The following ZIK1 variants were observed in gnomAD, a reference collection of about 807,000 sequenced individuals.
ZIK1 encodes zinc finger protein interacting with ribonucleoprotein K.
ZIK1 carries 12 observed loss-of-function variants against 10.7 expected under a neutral mutation model. That is an observed-to-expected ratio of 1.12 (90% CI 0.72 to 1.81). ZIK1 has a LOEUF of 1.81. ZIK1 is among the 40% of genes most tolerant of loss of function. The probability of loss-of-function intolerance (pLI) is 0.00; values close to 1 mark genes in which losing one functional copy is unlikely to be tolerated. For synonymous variants in ZIK1, 190 were observed against 205.0 expected (o/e 0.93, Z 0.63); for missense variants, 497 against 585.7 (o/e 0.85, Z 1.56).
intron 2 of ZIK1, among the ~76,000 whole-genome samples, chr19:57,586,303 C>A (rs1979151562): frequency 6.6e-6 from 1 of 152,048 alleles, no homozygotes; most frequent in Non-Finnish European, 1.5e-5. Context: ...TGGCTCACAC[C>A]TGTAATCCCA....
chr19:57,593,151 C>T lies in ZIK1; in HGVS notation c.*1876C>T, dbSNP rs1979845294. On this transcript the variant is annotated 3_prime_UTR_variant, in exon 4 of 4. Transcript: ENST00000597850. ...CCTCCTCCTGGGTTCCAGCGATTCT[C>T]CTGCCTCAGCCTCCTGAGAAGCTAG... The T allele has an allele frequency of 6.8e-6, 1 of 146,218 alleles. No individual in the cohort carries two copies. Among genetic ancestry groups the T allele is most frequent in the East Asian group, 2.0e-4 (1 of 4,904 alleles). 9.1% of individuals were successfully genotyped at this position (146,218 alleles called of 1,614,324 possible). A position where few individuals can be genotyped will look rare whatever the true frequency, so the allele number is the denominator to read the frequency against.
chr19:57,593,761 C>T lies in ZIK1; in HGVS notation c.*2486C>T, dbSNP rs1345422802. 6.7e-6 allele frequency: 1 copy of T among 149,264 alleles called. No homozygotes were observed. Among genetic ancestry groups the T allele is most frequent in the Non-Finnish European group, 1.5e-5 (1 of 67,548 alleles). 9.2% of individuals were successfully genotyped at this position (149,264 alleles called of 1,614,324 possible). On this transcript the variant is annotated 3_prime_UTR_variant, in exon 4 of 4. Transcript: ENST00000597850. ...TTTTCTGGTATTTTATGGTATTGAA[C>T]ATTTGAACATCTTGTATCTAGTTGC... is the stretch of plus-strand genomic sequence containing the variant.
intron 2 of ZIK1, among the ~76,000 whole-genome samples, 181 bp from the exon 3 acceptor site, chr19:57,588,355 TGTG>T (rs1979344267): frequency 6.6e-6 from 1 of 152,072 alleles, no homozygotes; most frequent in African/African-American, 2.4e-5. Flanking sequence ...AAAGTTTAGA[TGTG>T]GTGCATCCTG....
intron 2 of ZIK1, 110 bp downstream of exon 2, chr19:57,585,100 TG>T: frequency 1.0e-6 from 1 of 997,404 alleles, no homozygotes; most frequent in East Asian, 2.7e-5. Flanking sequence ...CTTCACAAAC[TG>T]GAAGCTTGAC....
intron 1 of ZIK1, 146 bp from the exon 2 acceptor site, chr19:57,584,806 G>C: frequency 9.5e-7 from 1 of 1,052,392 alleles, no homozygotes; most frequent in Non-Finnish European, 1.4e-6. Context: ...CTAAGAGTTG[G>C]CACTGAGGAC....
chr19:57,587,158 G>A (rs1052194018), intron 2 of ZIK1, among the ~76,000 whole-genome samples: 2 of 152,146 alleles, frequency 1.3e-5, no homozygotes, highest in Non-Finnish European at 2.9e-5. Context: ...TGCCCCTATG[G>A]TTCGATTACC....
rs1214885963 is a variant in ZIK1 at position 57,590,026 on chromosome 19, CAG to C, written c.218_219del (p.Glu73GlyfsTer2). ...CTGCTTTCAGGTTGTGGCCATGGAA[CAG>C]AGGATGAAGAGACACCTTCTGACCA... is the stretch of plus-strand genomic sequence containing the variant. On this transcript the variant is annotated frameshift_variant, in exon 4 of 4. Coordinates refer to ENST00000597850, the MANE Select transcript of ZIK1 (RefSeq NM_001010879.4). LOFTEE classifies it low-confidence loss of function (END_TRUNC). 5 of 1,613,096 alleles carry C rather than the reference CAG, an allele frequency of 3.1e-6. No homozygotes were observed. The highest frequency in any genetic ancestry group is 4.2e-6 in the Non-Finnish European group (5 of 1,179,224).
In ZIK1 at chr19:57,592,906, T is replaced by C; in HGVS notation, c.*1631T>C. ...CATATTCATGATTCACCTCTTGCTG[T>C]TTTACAATCTCTGCGTGTACTTTCC... On this transcript the variant is annotated 3_prime_UTR_variant, in exon 4 of 4. Coordinates refer to ENST00000597850, the MANE Select transcript of ZIK1 (RefSeq NM_001010879.4). 6.6e-6 allele frequency: 1 copy of C among 152,172 alleles called. No homozygotes were observed. Among genetic ancestry groups the C allele is most frequent in the East Asian group, 1.9e-4 (1 of 5,194 alleles). The allele number at this position is 152,172 out of a possible 1,614,324, so 9.4% of individuals were successfully genotyped here.
chr19:57,592,799 T>C lies in ZIK1; in HGVS notation c.*1524T>C, dbSNP rs985814974. 17 of 152,214 alleles carry C rather than the reference T, an allele frequency of 1.1e-4. No individual in the cohort carries two copies. The highest frequency in any genetic ancestry group is 1.0e-3 in the South Asian group (5 of 4,828). 9.4% of individuals were successfully genotyped at this position (152,214 alleles called of 1,614,324 possible). On this transcript the variant is annotated 3_prime_UTR_variant, in exon 4 of 4. Coordinates refer to ENST00000597850, the MANE Select transcript of ZIK1 (RefSeq NM_001010879.4). ...AAACTTTCTTGATGTGTAAGTGACATGCCATAGTTTACATCCATTTATGGT... is the reference window on the plus strand; with the variant it reads ...AAACTTTCTTGATGTGTAAGTGACACGCCATAGTTTACATCCATTTATGGT...
intron 2 of ZIK1, among the ~76,000 whole-genome samples, chr19:57,587,093 A>G (rs1484927291): frequency 2.0e-5 from 3 of 152,154 alleles, no homozygotes; most frequent in African/African-American, 7.2e-5. Context: ...CCCTTATAAA[A>G]CCATCAAATC....
Position 57,588,582 on chromosome 19 carries a change from A to T in ZIK1, c.116A>T (p.Asp39Val), listed in dbSNP as rs754837811. Residue 39 changes from aspartate to valine, a missense_variant, in exon 3 of 4, where the codon GAC becomes GTC. Asp to Val is a radical substitution (Grantham distance 152, BLOSUM62 -3). Transcript: ENST00000597850. ...GACATCGCCATTTACTTCTCACAGGACGAGTGGGGACTTCTTGATGAGGCT... is the reference window on the plus strand; with the variant it reads ...GACATCGCCATTTACTTCTCACAGGTCGAGTGGGGACTTCTTGATGAGGCT... ...FEDIAIYFSQ[D>V]EWGLLDEAQR... 6.3e-7 allele frequency: 1 copy of T among 1,581,962 alleles called. No homozygotes were observed. Among genetic ancestry groups the T allele is most frequent in the East Asian group, 2.3e-5 (1 of 43,434 alleles).
Position 57,591,032 on chromosome 19 carries a change from T to G in ZIK1, c.1221T>G (p.Tyr407Ter), listed in dbSNP as rs200562644. ...GAGTTCACACTGGAGAAAGGCCTTA[T>G]AAGTGTGGTGACTGTGGGAAATCCT... is the stretch of plus-strand genomic sequence containing the variant. ...HQRVHTGERPYKCGDCGKSFS... is the reference protein window; with the variant it reads ...HQRVHTGERP The change falls in exon 4 of 4, where the codon TAT becomes TAG. Residue 407 changes from tyrosine (Y) to a stop codon, truncating the protein, a stop_gained. Transcript: ENST00000597850. LOFTEE classifies it low-confidence loss of function (END_TRUNC). 2 of 1,614,016 alleles carry G rather than the reference T, an allele frequency of 1.2e-6. No homozygotes were observed. Among genetic ancestry groups the G allele is most frequent in the Non-Finnish European group, 1.7e-6 (2 of 1,180,028 alleles).
intron 3 of ZIK1, chr19:57,589,489 G>T (rs1718722117): frequency 1.0e-6 from 1 of 985,142 alleles, no homozygotes; most frequent in African/African-American, 1.7e-5. Context: ...TGATCTTCAT[G>T]CATCATCTGC....
At position 57,591,490 on chromosome 19, in the gene ZIK1, T is replaced by C; in HGVS notation, c.*215T>C. 1.7e-6 allele frequency: 1 copy of C among 583,294 alleles called. No homozygotes were observed. The highest frequency in any genetic ancestry group is 3.0e-6 in the Non-Finnish European group (1 of 331,532). The allele number at this position is 583,294 out of a possible 1,614,324, so 36.1% of individuals were successfully genotyped here. On this transcript the variant is annotated 3_prime_UTR_variant, in exon 4 of 4. Transcript: ENST00000597850. The stretch of plus-strand genomic sequence containing the variant: ...TCTCTGGTAGAAACCATCTACCCTC[T>C]ACCACCTTGCACAGTGGGCACTGGT...
chr19:57,589,241 C>G, intron 3 of ZIK1: 2 of 984,978 alleles, frequency 2.0e-6, no homozygotes, highest in Non-Finnish European at 2.4e-6. Flanking sequence ...AACCTGGTTG[C>G]TTTATAGGGT....
At chr19:57,588,960 A>G (rs1259617102) in intron 3 of ZIK1, among the ~76,000 whole-genome samples, 2 of 151,892 alleles carry the variant, frequency 1.3e-5, no homozygotes, top group South Asian at 2.1e-4. Context: ...CTGCACCCCC[A>G]TCTGCTAGCT....
rs753707960 is a variant in ZIK1 at position 57,591,206 on chromosome 19, C to T, written c.1395C>T (p.Cys465=). 3.1e-6 allele frequency: 5 copies of T among 1,614,002 alleles called. No homozygotes were observed. Among genetic ancestry groups the T allele is most frequent in the Admixed American group, 3.3e-5 (2 of 60,006 alleles). The stretch of plus-strand genomic sequence containing the variant: ...ACACTGGAGAAAGGCCTTATGAGTG[C>T]AACAAATGTGGGAATTCCTTTAGCC... ...VVHTGERPYE[C]NKCGNSFSQC... is the part of the protein sequence containing the mutation. The change falls in exon 4 of 4, where the codon TGC becomes TGT. Residue 465 remains cysteine (C), a synonymous_variant. Transcript: ENST00000597850.
chr19:57,584,727 A>G (rs769189855), intron 1 of ZIK1: 1 of 1,089,134 alleles, frequency 9.2e-7, no homozygotes, highest in Non-Finnish European at 1.2e-6. Context: ...TCATGGAGTT[A>G]GACTAGAATA....
intron 3 of ZIK1, 34 bp from the exon 4 acceptor site, chr19:57,589,977 A>G: frequency 1.3e-6 from 2 of 1,596,710 alleles, no homozygotes; most frequent in East Asian, 2.2e-5. Context: ...CAGCATAGTC[A>G]ATGTATATTT....
Sources: allele counts gnomAD v4.1 joint callset (sites outside exome capture counted in the v4.1 genomes callset), GRCh38; gene constraint gnomAD v4.1.1; transcripts MANE v1.5; gene names NCBI Gene and HGNC (gene_info 2026-07-23, HGNC 2026-07-21).